IL1RAP: variants seen among roughly 807,000 people sequenced by gnomAD.
IL1RAP encodes interleukin-1 receptor accessory protein.
IL1RAP carries 35 observed loss-of-function variants against 60.7 expected under a neutral mutation model. The ratio of observed to expected loss-of-function variants is 0.58; its 90% CI spans 0.44 to 0.76. The LOEUF (loss-of-function observed/expected upper bound fraction) is 0.76, where lower values mean the gene tolerates loss of function less well. IL1RAP is among the 30% of genes least tolerant of loss of function. The pLI is 0.00. For missense variants in IL1RAP, 572 were observed against 693.9 expected (o/e 0.82, Z 1.97); for synonymous variants, 268 against 250.9 (o/e 1.07, Z -0.64).
At chr3:190,554,328 C>T (rs1011087863) in intron 1 of IL1RAP, among the ~76,000 whole-genome samples, 3 of 152,052 alleles carry the variant, frequency 2.0e-5, no homozygotes, top group African/African-American at 7.2e-5. Context: ...AGGCTTCCCG[C>T]CTCACAGATT....
intron 3 of IL1RAP, among the ~76,000 whole-genome samples, chr3:190,593,145 C>G (rs1220226314): frequency 4.6e-5 from 7 of 151,832 alleles, no homozygotes; most frequent in Non-Finnish European, 7.4e-5. Flanking sequence ...TCTGTCAGAG[C>G]TATTTTCCAT....
At chr3:190,514,448 C>T (rs1380493456) in intron 1 of IL1RAP, among the ~76,000 whole-genome samples, 1 of 152,174 alleles carries the variant, frequency 6.6e-6, no homozygotes, top group Non-Finnish European at 1.5e-5. Context: ...ATTTAAGTAA[C>T]GCGGTTGTGG....
intron 2 of IL1RAP, among the ~76,000 whole-genome samples, chr3:190,556,908 C>G (rs1284307650): frequency 2.0e-5 from 3 of 152,228 alleles, no homozygotes; most frequent in African/African-American, 4.8e-5. Context: ...AAGCACTTTA[C>G]AGCAATTGTT....
intron 1 of IL1RAP, among the ~76,000 whole-genome samples, chr3:190,540,697 A>G (rs926921465): frequency 2.0e-5 from 3 of 152,056 alleles, no homozygotes; most frequent in Non-Finnish European, 4.4e-5. Flanking sequence ...CTGTTGGGGA[A>G]ATAAAATTTA....
intron 3 of IL1RAP, among the ~76,000 whole-genome samples, chr3:190,596,782 T>C (rs2108733467): frequency 6.6e-6 from 1 of 152,338 alleles, no homozygotes; most frequent in African/African-American, 2.4e-5. Context: ...GACAAATGTA[T>C]TTGCATAACA....
intron 1 of IL1RAP, chr3:190,516,143 A>T (rs1342303298): frequency 6.6e-6 from 1 of 152,262 alleles, no homozygotes; most frequent in African/African-American, 2.4e-5. Flanking sequence ...TAGCATTTGT[A>T]TGCAGTATTG....
intron 7 of IL1RAP, chr3:190,624,740 G>T: frequency 5.0e-6 from 1 of 198,964 alleles, no homozygotes. Context: ...CTGTTTTGTG[G>T]TCAGTGGGGA....
At chr3:190,576,774 T>G (rs1372363873) in intron 3 of IL1RAP, among the ~76,000 whole-genome samples, 1 of 152,162 alleles carries the variant, frequency 6.6e-6, no homozygotes, top group Non-Finnish European at 1.5e-5. Flanking sequence ...AAGAAAATAC[T>G]CGGAGAAATG....
At chr3:190,620,228 ATGC>A in intron 5 of IL1RAP, 44 bp from the exon 6 acceptor site, 1 of 1,057,424 alleles carries the variant, frequency 9.5e-7, no homozygotes. Flanking sequence ...TATGTTTTCT[ATGC>A]ATGTATCTAA....
At chr3:190,608,625 A>G (rs1027101563) in intron 4 of IL1RAP, among the ~76,000 whole-genome samples, 6 of 152,016 alleles carry the variant, frequency 3.9e-5, no homozygotes, top group African/African-American at 1.5e-4. Context: ...GATTACATCA[A>G]TAAACAATAG....
At chr3:190,576,746 C>G (rs1212061055) in intron 3 of IL1RAP, among the ~76,000 whole-genome samples, 1 of 152,094 alleles carries the variant, frequency 6.6e-6, no homozygotes, top group African/African-American at 2.4e-5. Flanking sequence ...TTGTAATGAA[C>G]CATACATGCT....
chr3:190,655,748 GA>G, downstream of IL1RAP: 8 of 645,166 alleles, frequency 1.2e-5, no homozygotes, highest in South Asian at 6.4e-5. Context: ...AGATTTTTTT[GA>G]CTGGGTAAAT....
At chr3:190,545,314 T>C (rs1260675769) in intron 1 of IL1RAP, among the ~76,000 whole-genome samples, 3 of 152,186 alleles carry the variant, frequency 2.0e-5, no homozygotes, top group Admixed American at 2.0e-4. Context: ...CTGCTGTAAT[T>C]CACTGCCGGA....
At chr3:190,536,742 A>C (rs1170409293) in intron 1 of IL1RAP, among the ~76,000 whole-genome samples, 1 of 152,230 alleles carries the variant, frequency 6.6e-6, no homozygotes, top group East Asian at 1.9e-4. Flanking sequence ...ACCATGGTCT[A>C]TGCTTTGCCT....
intron 5 of IL1RAP, among the ~76,000 whole-genome samples, 180 bp from the exon 6 acceptor site, chr3:190,620,095 A>T (rs994929396): frequency 6.6e-6 from 1 of 152,192 alleles, no homozygotes; most frequent in African/African-American, 2.4e-5. Flanking sequence ...AGATAATGAC[A>T]GGTGTTTCAT....
chr3:190,554,038 G>C (rs1298494927), intron 1 of IL1RAP, among the ~76,000 whole-genome samples: 4 of 130,464 alleles, frequency 3.1e-5, no homozygotes, highest in Non-Finnish European at 6.3e-5. Flanking sequence ...TCCAGCCTGG[G>C]CGACAGAGCG....
chr3:190,534,166 C>T (rs1723228766), intron 1 of IL1RAP, among the ~76,000 whole-genome samples: 1 of 151,988 alleles, frequency 6.6e-6, no homozygotes, highest in African/African-American at 2.4e-5. Context: ...CAAAAACTGG[C>T]AGTGGGTCCT....
At chr3:190,599,489 CT>C (rs368207835) in intron 3 of IL1RAP, among the ~76,000 whole-genome samples, 115 of 145,956 alleles carry the variant, frequency 7.9e-4, no homozygotes, top group East Asian at 2.0e-3. Flanking sequence ...CGTAAAGTGA[CT>C]TTTTTTTTTT....
At chr3:190,559,754 T>C (rs771535410) in intron 2 of IL1RAP, among the ~76,000 whole-genome samples, 13 of 152,238 alleles carry the variant, frequency 8.5e-5, no homozygotes, top group Non-Finnish European at 1.9e-4. Context: ...TTGAATTCTT[T>C]TAAATTTGTT....
Sources: allele counts gnomAD v4.1 joint callset (sites outside exome capture counted in the v4.1 genomes callset), GRCh38; gene constraint gnomAD v4.1.1; transcripts MANE v1.5; gene names NCBI Gene and HGNC (gene_info 2026-07-23, HGNC 2026-07-21).